The following PHACTR3 variants were observed in gnomAD, a reference collection of about 807,000 sequenced individuals.
The protein encoded by PHACTR3 is phosphatase and actin regulator 3, also known as protein phosphatase 1, regulatory subunit 123.
PHACTR3 carries 16 observed loss-of-function variants against 66.8 expected under a neutral mutation model. The observed-to-expected ratio is 0.24, with a 90% CI of 0.16 to 0.36. The LOEUF (loss-of-function observed/expected upper bound fraction) is 0.36. PHACTR3 is among the 10% of genes least tolerant of loss of function. The pLI is 1.00. For missense variants in PHACTR3, 647 were observed against 719.9 expected (o/e 0.90, Z 1.16); for synonymous variants, 323 against 292.1 (o/e 1.11, Z -1.08).
At chr20:59,751,633 G>A (rs1245163160) in intron 3 of PHACTR3, among the ~76,000 whole-genome samples, 2 of 152,056 alleles carry the variant, frequency 1.3e-5, no homozygotes, top group African/African-American at 4.8e-5. Flanking sequence ...CTCCCTCTGG[G>A]GTGTTACTTT....
At chr20:59,599,727 C>G (rs566587440), upstream of PHACTR3, among the ~76,000 whole-genome samples, 1 of 152,280 alleles carries the variant, frequency 6.6e-6, no homozygotes, top group African/African-American at 2.4e-5. Flanking sequence ...TGGAGGTATC[C>G]TTGACTTCTC....
Position 59,767,778 on chromosome 20 carries a change from T to G in PHACTR3, c.751+383T>G, listed in dbSNP as rs750259269. Among the ~76,000 whole-genome samples, 3 of 152,056 alleles carry G rather than the reference T, an allele frequency of 2.0e-5. No homozygotes were observed. In the East Asian group the frequency reaches 5.8e-4, roughly 29 times the overall value. On this transcript the variant is annotated intron_variant, in intron 5 of 12. Coordinates refer to ENST00000371015, the MANE Select transcript of PHACTR3 (RefSeq NM_080672.5). ...GCTTGGCTTTAGCTTGGCTTGGCTT[T>G]TCTTTTTCTTTTTTCTTTTCCTTTC...
chr20:59,808,619 G>T (rs1412768671), intron 8 of PHACTR3, among the ~76,000 whole-genome samples: 3 of 152,198 alleles, frequency 2.0e-5, no homozygotes, highest in Non-Finnish European at 4.4e-5. Flanking sequence ...CTCCCGGAGC[G>T]CCAGTGCCTC....
intron 11 of PHACTR3, 140 bp from the exon 12 acceptor site, chr20:59,845,049 A>C (rs2059125542): frequency 1.8e-6 from 1 of 557,680 alleles, no homozygotes; most frequent in African/African-American, 1.9e-5. Flanking sequence ...TTTAATGATG[A>C]ACCAAAAAAT....
At chr20:59,725,178 T>C (rs1306706861) in intron 1 of PHACTR3, among the ~76,000 whole-genome samples, 1 of 151,924 alleles carries the variant, frequency 6.6e-6, no homozygotes, top group Non-Finnish European at 1.5e-5. Context: ...TCAGTAAGGC[T>C]GTGAACCCAG....
At chr20:59,686,724 T>G (rs7409727) in intron 1 of PHACTR3, among the ~76,000 whole-genome samples, 136,751 of 146,844 alleles carry the variant, frequency 0.93, 63,335 homozygotes, top group East Asian at 1. Context: ...TGGTGGTGGT[T>G]ATGATGATGG....
intron 1 of PHACTR3, 120 bp from the exon 2 acceptor site, chr20:59,742,987 G>C (rs577466950): frequency 8.7e-7 from 1 of 1,145,896 alleles, no homozygotes; most frequent in Non-Finnish European, 1.2e-6. Flanking sequence ...ACCATCCTGG[G>C]GTCCAGGCTT....
intron 7 of PHACTR3, among the ~76,000 whole-genome samples, chr20:59,792,672 G>T (rs2041138167): frequency 6.6e-6 from 1 of 152,092 alleles, no homozygotes; most frequent in South Asian, 2.1e-4. Flanking sequence ...AATTAATGAT[G>T]TTGAGCATTT....
intron 7 of PHACTR3, among the ~76,000 whole-genome samples, chr20:59,786,337 C>G (rs561047361): frequency 6.6e-6 from 1 of 152,336 alleles, no homozygotes; most frequent in Non-Finnish European, 1.5e-5. Context: ...TCATGGTGAT[C>G]CCTCTGAGAA....
intron 1 of PHACTR3, among the ~76,000 whole-genome samples, chr20:59,630,905 A>G (rs1356646435): frequency 1.3e-5 from 2 of 152,206 alleles, no homozygotes; most frequent in East Asian, 3.9e-4. Flanking sequence ...GAGGAAAGTT[A>G]CACCTGATGG....
chr20:59,816,949 T>C (rs910714959), intron 8 of PHACTR3, among the ~76,000 whole-genome samples: 5 of 152,140 alleles, frequency 3.3e-5, no homozygotes, highest in African/African-American at 1.2e-4. Flanking sequence ...AATGGAGACA[T>C]TGTTGAACTA....
At chr20:59,604,145 C>T (rs1415073001), upstream of PHACTR3, among the ~76,000 whole-genome samples, 1 of 151,618 alleles carries the variant, frequency 6.6e-6, no homozygotes, top group Non-Finnish European at 1.5e-5. Context: ...CAGGTGGTTG[C>T]GGGGAGGAAG....
At chr20:59,817,082 G>T (rs1668252446) in intron 8 of PHACTR3, among the ~76,000 whole-genome samples, 1 of 152,210 alleles carries the variant, frequency 6.6e-6, no homozygotes, top group Non-Finnish European at 1.5e-5. Context: ...TAAAATAAGA[G>T]TTTAGTTCAG....
rs531280713 is a variant in PHACTR3 at position 59,697,636 on chromosome 20, T to A, written c.119-45471T>A. ...CTTCATCATGACCAAGGAATAGTCA[T>A]GTTCTAGACAGTGCACAAGCTAAGA... On this transcript the variant is annotated intron_variant, in intron 1 of 12. Transcript: ENST00000371015. 1.7e-3 allele frequency among the ~76,000 whole-genome samples: 259 copies of A among 152,296 alleles called. 1 individual carries two copies. Among genetic ancestry groups the A allele is most frequent in the Middle Eastern group, 6.8e-3 (2 of 294 alleles).
intron 1 of PHACTR3, among the ~76,000 whole-genome samples, chr20:59,579,791 C>G (rs561013901): frequency 6.6e-6 from 1 of 152,306 alleles, no homozygotes; most frequent in African/African-American, 2.4e-5. Flanking sequence ...CTGATAGGAC[C>G]TGCTCATGAC....
chr20:59,687,382 G>A (rs778959554), intron 1 of PHACTR3, among the ~76,000 whole-genome samples: 3 of 152,150 alleles, frequency 2.0e-5, no homozygotes, highest in East Asian at 1.9e-4. Flanking sequence ...GTGGAATAGA[G>A]TGGAATTAAA....
chr20:59,663,284 C>T (rs1192678371), intron 1 of PHACTR3, among the ~76,000 whole-genome samples: 3 of 152,122 alleles, frequency 2.0e-5, no homozygotes, highest in African/African-American at 7.2e-5. Flanking sequence ...TGAATCTTGG[C>T]AGGGGAACTA....
intron 1 of PHACTR3, among the ~76,000 whole-genome samples, chr20:59,709,138 C>T (rs537618774): frequency 1.7e-4 from 26 of 152,342 alleles, no homozygotes; most frequent in Non-Finnish European, 2.6e-4. Flanking sequence ...TTTTCTACAA[C>T]GTTCAGTCTC....
rs1396480012 is a variant in PHACTR3 at position 59,774,415 on chromosome 20, A to G, written c.1099A>G (p.Ile367Val). ...KESEENKENL[I>V]INSELKDDLL... ...ATCTGAGGAGAACAAGGAGAACCTG[A>G]TCATAAATTCTGAACTCAAAGACGA... Residue 367 changes from isoleucine (I) to valine (V), a missense_variant, in exon 7 of 13, where the codon ATC becomes GTC. Ile to Val is a conservative substitution (Grantham distance 29). Around this residue, in one of 2 missense-constraint regions of PHACTR3, gnomAD observed 577 missense variants for 571.1 expected, o/e 1.01. Coordinates refer to ENST00000371015, the MANE Select transcript of PHACTR3 (RefSeq NM_080672.5). 8 of 1,614,036 alleles carry G rather than the reference A, an allele frequency of 5.0e-6. No individual in the cohort carries two copies. In the South Asian group the frequency reaches 8.8e-5, roughly 18 times the overall value.
Sources: allele counts gnomAD v4.1 joint callset (sites outside exome capture counted in the v4.1 genomes callset), GRCh38; gene constraint gnomAD v4.1.1; regional missense constraint gnomAD v4.1.1; transcripts MANE v1.5; gene names NCBI Gene and HGNC (gene_info 2026-07-23, HGNC 2026-07-21).